The following CAPN15 variants were observed in gnomAD, a reference collection of about 807,000 sequenced individuals.
The protein encoded by CAPN15 is calpain 15.
Under a neutral mutation model 97.9 loss-of-function variants are expected in CAPN15, and 53 were observed. That is an observed-to-expected ratio of 0.54 (90% CI 0.43 to 0.68). The LOEUF is 0.68. Ranked by LOEUF, CAPN15 falls within the 30% of genes least tolerant of loss-of-function variation. The pLI, the probability that CAPN15 is intolerant of heterozygous loss-of-function variation, is 0.00. For synonymous variants in CAPN15, 922 were observed against 722.5 expected, an observed-to-expected ratio of 1.28 and a Z score of -4.43; for missense variants, 1,592 against 1,589.8, an observed-to-expected ratio of 1.00 and a Z score of -0.02.
intron 3 of CAPN15, chr16:539,167 C>G (rs917940045): frequency 6.6e-6 from 1 of 152,324 alleles, no homozygotes; most frequent in African/African-American, 2.4e-5. Flanking sequence ...TTGACACTTA[C>G]TTGACCCTTT....
chr16:553,586 C>T lies in CAPN15; in HGVS notation c.*70C>T, dbSNP rs1269942421. ...CCCCACACGCACTTTATGAGGGAGA[C>T]CCCGACAGAGGACGCTTGAGCCAGA... On this transcript the variant is annotated 3_prime_UTR_variant, in exon 14 of 14. Transcript: ENST00000219611. 2.0e-6 allele frequency: 2 copies of T among 981,472 alleles called. No homozygotes were observed. The highest frequency in any genetic ancestry group is 3.3e-5 in the African/African-American group (2 of 60,542). 60.8% of individuals were successfully genotyped at this position (981,472 alleles called of 1,614,324 possible).
chr16:535,449 ACCGG>A lies in CAPN15; in HGVS notation c.-136-577_-136-574del, dbSNP rs1329620055. On this transcript the variant is annotated intron_variant, in intron 2 of 13. Transcript: ENST00000219611. This position sits in a 1 kb window ranked among gnomAD's most constrained non-coding sequence, Gnocchi z 6.2. ...TGTGTGTGTGGCATACAGGACAGGG[ACCGG>A]CCAGTTGGCCCTGCTCATTAACCAC... The A allele has an allele frequency of 1.9e-5, 3 of 154,170 alleles. No individual in the cohort carries two copies. Among genetic ancestry groups the A allele is most frequent in the African/African-American group, 7.2e-5 (3 of 41,480 alleles). 9.6% of individuals were successfully genotyped at this position (154,170 alleles called of 1,614,324 possible).
In CAPN15 at chr16:535,022, G is replaced by A. The variant is rs1490467236; in HGVS notation, c.-136-1007G>A. 6.6e-6 allele frequency among the ~76,000 whole-genome samples: 1 copy of A among 152,150 alleles called. No individual in the cohort carries two copies. Among genetic ancestry groups the A allele is most frequent in the African/African-American group, 2.4e-5 (1 of 41,414 alleles). On this transcript the variant is annotated intron_variant, in intron 2 of 13. Transcript: ENST00000219611. The surrounding 1 kb of genome is among the most constrained non-coding windows in gnomAD (Gnocchi z 6.2). The stretch of plus-strand genomic sequence containing the variant: ...GTTAGCGAGACAGTGAGGAGTGTAT[G>A]CGGAGTGGACACAGCTGTGGGTGCC...
intron 1 of CAPN15, among the ~76,000 whole-genome samples, chr16:532,917 C>G (rs923890861): frequency 1.0e-4 from 15 of 149,800 alleles, no homozygotes; most frequent in Non-Finnish European, 1.6e-4. Flanking sequence ...CATCCTCATG[C>G]TGATCACAAA....
At chr16:553,198 G>A in intron 13 of CAPN15, 141 bp from the exon 14 acceptor site, 1 of 254,824 alleles carries the variant, frequency 3.9e-6, no homozygotes, top group Non-Finnish European at 7.5e-6. Context: ...CACCCCTGCA[G>A]AGGTGTGCTC....
intron 3 of CAPN15, among the ~76,000 whole-genome samples, chr16:542,169 G>A (rs751138209): frequency 3.3e-5 from 5 of 152,268 alleles, no homozygotes; most frequent in Admixed American, 6.5e-5. Flanking sequence ...GCTCCTTTGC[G>A]GGATGAACCG....
chr16:547,275 G>C lies in CAPN15; in HGVS notation c.437G>C (p.Gly146Ala), dbSNP rs1363981148. The part of the protein sequence containing the change: ...EEEGAAEPRG[G>A]WACPRCTLHN... Reference sequence around the variant, plus strand: ...GAGGGAGCGGCGGAGCCCAGAGGGGGCTGGGCGTGTCCGCGTTGCACGCTG... The same window carrying C: ...GAGGGAGCGGCGGAGCCCAGAGGGGCCTGGGCGTGTCCGCGTTGCACGCTG... The change falls in exon 4 of 14, where the codon GGC becomes GCC. Residue 146 changes from glycine (G) to alanine (A), a missense_variant. Around this residue, in one of 3 missense-constraint regions of CAPN15, gnomAD observed 883 missense variants for 776.6 expected, o/e 1.14. Coordinates refer to ENST00000219611, the MANE Select transcript of CAPN15 (RefSeq NM_005632.3). 1 of 1,510,628 alleles carries C rather than the reference G, an allele frequency of 6.6e-7. No individual in the cohort carries two copies. Among genetic ancestry groups the C allele is most frequent in the Non-Finnish European group, 8.8e-7 (1 of 1,134,170 alleles). The allele number at this position is 1,510,628 out of a possible 1,614,324, so 93.6% of individuals were successfully genotyped here. A position where few individuals can be genotyped will look rare whatever the true frequency, so the allele number is the denominator to read the frequency against.
intron 3 of CAPN15, chr16:540,265 G>T: frequency 1.0e-6 from 1 of 985,488 alleles, no homozygotes; most frequent in Non-Finnish European, 1.2e-6. Flanking sequence ...GCCCTACCCG[G>T]GTCCCCCGGC....
In CAPN15 at chr16:547,121, G is replaced by T; in HGVS notation, c.283G>T (p.Gly95Trp). The T allele has an allele frequency of 2.5e-6, 4 of 1,571,222 alleles. No individual in the cohort carries two copies. The highest frequency in any genetic ancestry group is 2.3e-5 in the East Asian group (1 of 43,876). ...CCTCCCCAAGCCACCCGCCATCCTG[G>T]GGGAGCCCAAGGGCAGCTGCCAGGA... Reference protein sequence around the residue: ...GVLPKPPAILGEPKGSCQEEA... With the variant: ...GVLPKPPAILWEPKGSCQEEA... Residue 95 changes from glycine to tryptophan, a missense_variant, in exon 4 of 14, where the codon GGG becomes TGG. By Grantham distance (184) the Gly-to-Trp change is radical. Transcript: ENST00000219611.
intron 7 of CAPN15, 143 bp from the exon 8 acceptor site, chr16:551,152 GGCGCCCC>G (rs1596358969): frequency 7.7e-7 from 1 of 1,303,360 alleles, no homozygotes; most frequent in East Asian, 2.6e-5. Context: ...GGTCGGTGAG[GGCGCCCC>G]GTCGGTGAGG....
intron 1 of CAPN15, among the ~76,000 whole-genome samples, chr16:529,501 C>T (rs932202450): frequency 2.0e-5 from 3 of 152,218 alleles, no homozygotes; most frequent in Non-Finnish European, 4.4e-5. Context: ...AGCGCCTGGT[C>T]TCTCCCTCCT....
chr16:548,772 C>T (rs1413403032), intron 4 of CAPN15, among the ~76,000 whole-genome samples: 14 of 152,246 alleles, frequency 9.2e-5, no homozygotes, highest in Non-Finnish European at 4.4e-5. Context: ...TGGGCCCACA[C>T]GTCCCCTGCT....
At chr16:531,297 C>T (rs1242763208) in intron 1 of CAPN15, among the ~76,000 whole-genome samples, 1 of 152,212 alleles carries the variant, frequency 6.6e-6, no homozygotes, top group African/African-American at 2.4e-5. Context: ...CTCCTGGGCT[C>T]AAGTGATCTT....
At position 547,063 on chromosome 16, in the gene CAPN15, T is replaced by G; in HGVS notation, c.225T>G (p.Pro75=). 6.2e-7 allele frequency: 1 copy of G among 1,602,052 alleles called. No homozygotes were observed. Among genetic ancestry groups the G allele is most frequent in the East Asian group, 2.2e-5 (1 of 44,474 alleles). ...GCGGCTTCACCCCGGAGCCTGCGCC[T>G]GGGGCTGCCTTCCTGCCAGTCCTCA... The part of the protein sequence containing the change: ...EVCGFTPEPA[P]GAAFLPVLNG... The change falls in exon 4 of 14, where the codon CCT becomes CCG. Residue 75 remains proline (P), a synonymous_variant. Coordinates refer to ENST00000219611, the MANE Select transcript of CAPN15 (RefSeq NM_005632.3).
chr16:552,404 C>T lies in CAPN15; in HGVS notation c.2611C>T (p.His871Tyr), dbSNP rs906804373. 2.5e-6 allele frequency: 4 copies of T among 1,608,448 alleles called. No homozygotes were observed. Among genetic ancestry groups the T allele is most frequent in the African/African-American group, 2.7e-5 (2 of 74,866 alleles). The change falls in exon 11 of 14, where the codon CAC (histidine) becomes TAC (tyrosine). Residue 871 changes from histidine to tyrosine, a missense_variant. His to Tyr is a moderately conservative substitution (Grantham distance 83, BLOSUM62 2). This residue lies in a region of CAPN15 where 644 missense variants were observed against 699.6 expected (regional missense o/e 0.92). Coordinates refer to ENST00000219611, the MANE Select transcript of CAPN15 (RefSeq NM_005632.3). This position sits in a 1 kb window ranked among gnomAD's most constrained non-coding sequence, Gnocchi z 6.4. ...GHLSLGRLLAHSKRAVKKFVS... is the reference protein window; with the variant it reads ...GHLSLGRLLAYSKRAVKKFVS... ...CCTCAGCCTGGGCCGCCTCCTGGCC[C>T]ACAGTAAGCGCGCGGTCAAGAAGTT...
Position 547,600 on chromosome 16 carries a change from G to C in CAPN15, c.762G>C (p.Gln254His). The change falls in exon 4 of 14, where the codon CAG (glutamine) becomes CAC (histidine). Residue 254 changes from glutamine (Q) to histidine (H), a missense_variant. By Grantham distance (24) the Gln-to-His change is conservative. Coordinates refer to ENST00000219611, the MANE Select transcript of CAPN15 (RefSeq NM_005632.3). ...GCAGCCGACGCGAGGTTCCCCCCCA[G>C]CTGCAGCCACCGGTGCCTGAGGCTG... ...VPRSRREVPP[Q>H]LQPPVPEAAQ... is the part of the protein sequence containing the mutation. 10 of 1,575,016 alleles carry C rather than the reference G, an allele frequency of 6.3e-6. No homozygotes were observed. The highest frequency in any genetic ancestry group is 6.9e-6 in the Non-Finnish European group (8 of 1,162,398).
chr16:549,235 T>TGGGGGGGGGGGGGGG, intron 5 of CAPN15, 34 bp downstream of exon 5: 1 of 53,104 alleles, frequency 1.9e-5, no homozygotes, highest in Non-Finnish European at 3.1e-5. Context: ...GTGGGGCGGG[T>TGGGGGGGGGGGGGGG]GGGCGGGCGA....
intron 3 of CAPN15, among the ~76,000 whole-genome samples, chr16:541,108 G>A (rs1000483954): frequency 6.6e-6 from 1 of 152,260 alleles, no homozygotes; most frequent in Admixed American, 6.5e-5. Flanking sequence ...TGCACCTGGC[G>A]GCAGCTCCCA....
rs1419369831 is a variant in CAPN15, at chr16:547,354, C to T, written c.516C>T (p.Leu172=). 3.4e-5 allele frequency: 52 copies of T among 1,546,266 alleles called. No individual in the cohort carries two copies. The highest frequency in any genetic ancestry group is 4.3e-5 in the Non-Finnish European group (50 of 1,152,926). ...SCSVCGGPRR[L]SLPRIPPEAL... ...CCGTCTGCGGGGGCCCACGCAGGCT[C>T]TCGCTGCCACGGATCCCTCCTGAGG... The change falls in exon 4 of 14, where the codon CTC becomes CTT. Residue 172 remains leucine (L), a synonymous_variant. Coordinates refer to ENST00000219611, the MANE Select transcript of CAPN15 (RefSeq NM_005632.3).
Sources: gnomAD v4.1 joint callset for allele counts (sites outside exome capture counted in the v4.1 genomes callset) on GRCh38, gnomAD v4.1.1 for gene constraint, gnomAD v4.1.1 regional missense constraint, Gnocchi (gnomAD v3.1) non-coding constraint, MANE v1.5 for transcripts, NCBI Gene and HGNC (gene_info 2026-07-23, HGNC 2026-07-21) for gene names.